Variants in NPNT observed in about 807,000 individuals in gnomAD.
The protein encoded by NPNT is preosteoblast EGF-like repeat protein with MAM domain.
Under a neutral mutation model 68.6 loss-of-function variants are expected in NPNT, and 45 were observed. The ratio of observed to expected loss-of-function variants is 0.66; its 90% CI spans 0.52 to 0.84. The LOEUF (loss-of-function observed/expected upper bound fraction) is 0.84. NPNT is among the 40% of genes least tolerant of loss of function. NPNT has a pLI of 0.00. For missense variants in NPNT, 672 were observed against 714.8 expected (o/e 0.94, Z 0.68); for synonymous variants, 233 against 253.3 (o/e 0.92, Z 0.76).
chr4:105,907,166 A>C (rs1726967470), intron 2 of NPNT, among the ~76,000 whole-genome samples: 1 of 152,194 alleles, frequency 6.6e-6, no homozygotes, highest in African/African-American at 2.4e-5. Flanking sequence ...AATACTCTGC[A>C]TATCAACATC....
chr4:105,931,238 T>A (rs1299783969), intron 3 of NPNT, among the ~76,000 whole-genome samples: 1 of 152,176 alleles, frequency 6.6e-6, no homozygotes, highest in Non-Finnish European at 1.5e-5. Flanking sequence ...TATGTAAATA[T>A]ATCACTGCAT....
chr4:105,917,979 TGGGTTA>T (rs1355160758), intron 2 of NPNT, among the ~76,000 whole-genome samples: 1 of 152,162 alleles, frequency 6.6e-6, no homozygotes, highest in Non-Finnish European at 1.5e-5. Flanking sequence ...GCTGAAATCA[TGGGTTA>T]GGGAGGTCCC....
intron 2 of NPNT, among the ~76,000 whole-genome samples, chr4:105,924,740 G>A (rs1728559909): frequency 6.6e-6 from 1 of 152,126 alleles, no homozygotes; most frequent in Non-Finnish European, 1.5e-5. Context: ...GCTGGTCAGG[G>A]GGTCCAAAGG....
chr4:105,896,201 G>A (rs1202875434), intron 1 of NPNT, among the ~76,000 whole-genome samples: 2 of 152,080 alleles, frequency 1.3e-5, no homozygotes, highest in African/African-American at 2.4e-5. Context: ...GTGCGAGTCA[G>A]CGACTGGGCT....
intron 11 of NPNT, 95 bp downstream of exon 11, chr4:105,967,539 T>A: frequency 7.7e-7 from 1 of 1,301,754 alleles, no homozygotes; most frequent in African/African-American, 1.5e-5. Context: ...CTGTGTGAAT[T>A]CAGGCTCAGA....
intron 2 of NPNT, chr4:105,911,602 A>G (rs17036372): frequency 0.011 from 1,712 of 153,374 alleles, 29 homozygotes; most frequent in African/African-American, 0.036. Flanking sequence ...CTGTGCTTTC[A>G]TGGTAATTCT....
At chr4:105,956,166 C>T (rs1367860495) in intron 8 of NPNT, among the ~76,000 whole-genome samples, 1 of 152,016 alleles carries the variant, frequency 6.6e-6, no homozygotes, top group Non-Finnish European at 1.5e-5. Context: ...ATGATCTAAT[C>T]TCTTCCTTTC....
chr4:105,936,565 C>A (rs1174440074), intron 3 of NPNT, among the ~76,000 whole-genome samples: 45 of 152,198 alleles, frequency 3.0e-4, no homozygotes, highest in Admixed American at 2.9e-3. Context: ...GTAAAATATT[C>A]TCATGTAATA....
intron 2 of NPNT, among the ~76,000 whole-genome samples, chr4:105,916,010 AT>A (rs1727787158): frequency 6.6e-6 from 1 of 152,206 alleles, no homozygotes; most frequent in Admixed American, 6.5e-5. Context: ...TTGAAAAAAA[AT>A]CTTTCCAGTT....
chr4:105,911,944 T>C (rs1207548021), intron 2 of NPNT: 11 of 460,282 alleles, frequency 2.4e-5, no homozygotes, highest in Non-Finnish European at 3.9e-5. Context: ...ATTTGGACTA[T>C]AGAAGAATAG....
chr4:105,906,194 T>C (rs1004361713), intron 2 of NPNT, among the ~76,000 whole-genome samples: 5 of 152,156 alleles, frequency 3.3e-5, no homozygotes, highest in Admixed American at 6.5e-5. Flanking sequence ...AGGTAAAAGA[T>C]GTTATTGCTG....
At chr4:105,914,126 G>A (rs184355279) in intron 2 of NPNT, among the ~76,000 whole-genome samples, 36 of 151,448 alleles carry the variant, frequency 2.4e-4, no homozygotes, top group African/African-American at 7.5e-4. Context: ...ATTTGAGGGA[G>A]TTCAGGGAAA....
chr4:105,955,169 A>G (rs1490111381), intron 8 of NPNT, among the ~76,000 whole-genome samples: 1 of 152,186 alleles, frequency 6.6e-6, no homozygotes, highest in Admixed American at 6.5e-5. Context: ...GCAGGTATGC[A>G]TTTGTTTTTA....
intron 8 of NPNT, among the ~76,000 whole-genome samples, chr4:105,955,459 A>G (rs4527479): frequency 0.015 from 2,284 of 152,332 alleles, 16 homozygotes; most frequent in African/African-American, 0.021. Context: ...CCAAAATACA[A>G]ATAACAGACA....
chr4:105,918,283 A>G (rs547338609), intron 2 of NPNT, among the ~76,000 whole-genome samples: 5 of 152,306 alleles, frequency 3.3e-5, no homozygotes, highest in African/African-American at 1.2e-4. Flanking sequence ...TGTATACTTC[A>G]ACTCATGTAT....
intron 2 of NPNT, among the ~76,000 whole-genome samples, chr4:105,898,328 G>C (rs10470989): frequency 0.04 from 2,113 of 53,018 alleles, 3 homozygotes; most frequent in African/African-American, 0.079. Flanking sequence ...CTCTCTCTCT[G>C]TCTCTCTCTC....
intron 2 of NPNT, among the ~76,000 whole-genome samples, chr4:105,914,966 G>T (rs2149336746): frequency 6.6e-6 from 1 of 152,272 alleles, no homozygotes; most frequent in East Asian, 1.9e-4. Context: ...AAGTTGTAGA[G>T]GAACACTGTA....
At chr4:105,947,581 G>C (rs1268977441) in intron 8 of NPNT, among the ~76,000 whole-genome samples, 1 of 152,040 alleles carries the variant, frequency 6.6e-6, no homozygotes, top group Admixed American at 6.6e-5. Context: ...AATATTGTCA[G>C]ATACTCAGGG....
At chr4:105,898,102 G>C (rs1316970250) in intron 2 of NPNT, 101 bp downstream of exon 2, 2 of 767,866 alleles carry the variant, frequency 2.6e-6, no homozygotes, top group Non-Finnish European at 4.2e-6. Flanking sequence ...ACTGAGCAAG[G>C]CTTGGCCTTG....
Sources: gnomAD v4.1 joint callset for allele counts (sites outside exome capture counted in the v4.1 genomes callset) on GRCh38, gnomAD v4.1.1 for gene constraint, MANE v1.5 for transcripts, NCBI Gene and HGNC (gene_info 2026-07-23, HGNC 2026-07-21) for gene names.